The following SLC25A32 variants were observed in gnomAD, a reference collection of about 807,000 sequenced individuals.
SLC25A32 encodes solute carrier family 25 member 32.
A neutral mutation model predicts 39.0 loss-of-function variants in SLC25A32; 32 were observed. That is an observed-to-expected ratio of 0.82 (90% confidence interval 0.62 to 1.10). The LOEUF (loss-of-function observed/expected upper bound fraction) is 1.10. Among genes scored for constraint, SLC25A32 ranks in the 50% least tolerant of loss-of-function variants. SLC25A32 has a pLI of 0.00. For missense variants in SLC25A32, 367 were observed against 395.3 expected, an observed-to-expected ratio of 0.93 and a Z score of 0.61; for synonymous variants, 166 against 152.4, an observed-to-expected ratio of 1.09 and a Z score of -0.66.
chr8:103,406,347 TAC>T (rs1289809952), intron 2 of SLC25A32, among the ~76,000 whole-genome samples: 2 of 152,214 alleles, frequency 1.3e-5, no homozygotes, highest in African/African-American at 2.4e-5. Flanking sequence ...CAAAGGCAAA[TAC>T]ACTAGATACT....
chr8:103,408,525 C>T (rs1816390950), intron 1 of SLC25A32, among the ~76,000 whole-genome samples: 1 of 151,878 alleles, frequency 6.6e-6, no homozygotes. Flanking sequence ...ATATCGAATG[C>T]TATCAAGACT....
At chr8:103,405,653 C>A (rs773849500) in intron 2 of SLC25A32, among the ~76,000 whole-genome samples, 2 of 151,794 alleles carry the variant, frequency 1.3e-5, no homozygotes, top group African/African-American at 4.8e-5. Flanking sequence ...CAAGTGAACA[C>A]ATTCTTTCTT....
At position 103,400,138 on chromosome 8, in the gene SLC25A32, G is replaced by A. The variant is rs116963796; in HGVS notation, c.*273C>T. 5.0e-6 allele frequency: 2 copies of A among 398,496 alleles called. No homozygotes were observed. The highest frequency in any genetic ancestry group is 9.0e-6 in the Non-Finnish European group (2 of 222,236). 24.7% of individuals were successfully genotyped at this position (398,496 alleles called of 1,614,324 possible). ...GCAAATCAGCTTCCACCAATAAAAC[G>A]TAGAAATCTGTGAAACTCTATCCTT... On this transcript the variant is annotated 3_prime_UTR_variant, in exon 7 of 7. Transcript: ENST00000297578.
In SLC25A32 at chr8:103,398,996, T is replaced by C. The variant is rs1816161737; in HGVS notation, c.*1415A>G. The stretch of plus-strand genomic sequence containing the variant: ...AAACAACACTTTTATTTACAACAAA[T>C]AGATGGTAGTGCAACAGCACTCGTG... On this transcript the variant is annotated 3_prime_UTR_variant, in exon 7 of 7. Transcript: ENST00000297578. The C allele has an allele frequency of 6.6e-6, 1 of 152,168 alleles. No homozygotes were observed. Among genetic ancestry groups the C allele is most frequent in the East Asian group, 1.9e-4 (1 of 5,204 alleles). The allele number at this position is 152,168 out of a possible 1,614,324, so 9.4% of individuals were successfully genotyped here.
Position 103,414,902 on chromosome 8 carries a change from C to G in SLC25A32, c.36G>C (p.Ser12=). The G allele has an allele frequency of 6.2e-7, 1 of 1,611,336 alleles. No individual in the cohort carries two copies. Among genetic ancestry groups the G allele is most frequent in the Non-Finnish European group, 8.5e-7 (1 of 1,179,180 alleles). ...TGQGQSASGS[S]AWSTVFRHVR... ...CGTGGCGGAATACCGTGCTCCACGCCGACGACCCGGACGCCGACTGGCCCT... is the reference window on the plus strand; with the variant it reads ...CGTGGCGGAATACCGTGCTCCACGCGGACGACCCGGACGCCGACTGGCCCT... The change falls in exon 1 of 7, where the codon TCG becomes TCC. Residue 12 remains serine, a synonymous_variant. Coordinates refer to ENST00000297578, the MANE Select transcript of SLC25A32 (RefSeq NM_030780.5).
At chr8:103,414,684 C>CA (rs1463600869) in intron 1 of SLC25A32, 100 bp downstream of exon 1, 8 of 1,292,406 alleles carry the variant, frequency 6.2e-6, no homozygotes, top group Non-Finnish European at 8.6e-6. Flanking sequence ...AGCAACGCTC[C>CA]CTTCAACGCT....
chr8:103,414,858 A>G lies in SLC25A32; in HGVS notation c.80T>C (p.Ile27Thr). The change falls in exon 1 of 7, where the codon ATA (isoleucine) becomes ACA (threonine). Residue 27 changes from isoleucine (I) to threonine (T), a missense_variant. By Grantham distance (89) the Ile-to-Thr change is moderately conservative (BLOSUM62 -1). Coordinates refer to ENST00000297578, the MANE Select transcript of SLC25A32 (RefSeq NM_030780.5). ...VFRHVRYENL[I>T]AGVSGGVLSN... ...TAAGACGCCGCCGCTCACGCCCGCT[A>G]TCAGGTTCTCATACCGGACGTGGCG... 6.2e-7 allele frequency: 1 copy of G among 1,613,580 alleles called. No homozygotes were observed. Among genetic ancestry groups the G allele is most frequent in the South Asian group, 1.1e-5 (1 of 91,046 alleles).
Position 103,404,835 on chromosome 8 carries a change from GT to G in SLC25A32, c.331del (p.Thr111GlnfsTer8). 6.2e-7 allele frequency: 1 copy of G among 1,612,556 alleles called. No homozygotes were observed. Among genetic ancestry groups the G allele is most frequent in the Non-Finnish European group, 8.5e-7 (1 of 1,178,798 alleles). ...CTCTAAACGTTCAGCTCTTCCTTCT[GT>G]TTTATATGACTTGATGGCATTGTAA... The part of the protein sequence containing the change: ...FFYNAIKSYK[T>X]EGRAERLEAT... On this transcript the variant is annotated frameshift_variant, in exon 3 of 7. Coordinates refer to ENST00000297578, the MANE Select transcript of SLC25A32 (RefSeq NM_030780.5). LOFTEE classifies it high-confidence loss of function.
At position 103,407,980 on chromosome 8, in the gene SLC25A32, T is replaced by C. The variant is rs958636287; in HGVS notation, c.155-196A>G. Among the ~76,000 whole-genome samples the C allele has an allele frequency of 1.5e-4, 22 of 145,836 alleles. 1 individual carries two copies. Among genetic ancestry groups the C allele is most frequent in the Non-Finnish European group, 1.5e-5 (1 of 66,900 alleles). The stretch of plus-strand genomic sequence containing the variant: ...ATAAATATATATATATATAAATATG[T>C]AAAATATACATTTTTGTGTCAGAGT... On this transcript the variant is annotated intron_variant, in intron 1 of 6. Transcript: ENST00000297578.
At chr8:103,412,790 C>A (rs937818411) in intron 1 of SLC25A32, among the ~76,000 whole-genome samples, 1 of 152,196 alleles carries the variant, frequency 6.6e-6, no homozygotes, top group Non-Finnish European at 1.5e-5. Flanking sequence ...CTTGAACTCA[C>A]AGAAAAATTC....
At chr8:103,401,447 T>C in intron 6 of SLC25A32, 69 bp downstream of exon 6, 1 of 1,432,380 alleles carries the variant, frequency 7.0e-7, no homozygotes, top group Non-Finnish European at 9.4e-7. Context: ...AAAACTAGTA[T>C]CAACAGGATG....
intron 2 of SLC25A32, among the ~76,000 whole-genome samples, chr8:103,407,207 G>C (rs546968293): frequency 6.6e-6 from 1 of 152,276 alleles, no homozygotes; most frequent in African/African-American, 2.4e-5. Context: ...TCTGGAGTTG[G>C]CTGTTTTTCA....
chr8:103,408,257 G>A (rs1816386714), intron 1 of SLC25A32, among the ~76,000 whole-genome samples: 1 of 151,910 alleles, frequency 6.6e-6, no homozygotes, highest in Admixed American at 6.6e-5. Flanking sequence ...AAAGTGCTGG[G>A]ATTACAGGTG....
chr8:103,408,254 T>G (rs1183890388), intron 1 of SLC25A32, among the ~76,000 whole-genome samples: 3 of 152,230 alleles, frequency 2.0e-5, no homozygotes, highest in East Asian at 3.9e-4. Context: ...TCCAAAGTGC[T>G]GGGATTACAG....
chr8:103,409,990 T>C (rs1816425905), intron 1 of SLC25A32, among the ~76,000 whole-genome samples: 1 of 152,188 alleles, frequency 6.6e-6, no homozygotes, highest in South Asian at 2.1e-4. Flanking sequence ...GAGAAAGGTT[T>C]TCCTGCATAG....
chr8:103,405,857 G>A (rs752844083), intron 2 of SLC25A32, among the ~76,000 whole-genome samples: 1 of 151,814 alleles, frequency 6.6e-6, no homozygotes, highest in Non-Finnish European at 1.5e-5. Context: ...TTGAAGAGAT[G>A]GAGGTCTCAC....
intron 4 of SLC25A32, among the ~76,000 whole-genome samples, 199 bp downstream of exon 4, chr8:103,402,965 T>C (rs1000802655): frequency 2.0e-5 from 3 of 152,170 alleles, no homozygotes; most frequent in African/African-American, 7.2e-5. Flanking sequence ...GTCATGATGA[T>C]ACATCCTATG....
At chr8:103,406,098 T>TA in intron 2 of SLC25A32, among the ~76,000 whole-genome samples, 1 of 148,158 alleles carries the variant, frequency 6.7e-6, no homozygotes, top group Non-Finnish European at 1.5e-5. Flanking sequence ...CACATATACA[T>TA]AAACATATCT....
rs577336292 is a variant in SLC25A32, at chr8:103,410,119, C to T, written c.155-2335G>A. On this transcript the variant is annotated intron_variant, in intron 1 of 6. Coordinates refer to ENST00000297578, the MANE Select transcript of SLC25A32 (RefSeq NM_030780.5). The stretch of plus-strand genomic sequence containing the variant: ...AATAAACTCACAATACCATTTCTCT[C>T]TTGAGGTAAAAAGCAAAACCAACCA... Among the ~76,000 whole-genome samples the T allele has an allele frequency of 2.6e-5, 4 of 152,308 alleles. No homozygotes were observed. The East Asian group carries it at 7.7e-4, about 29-fold the overall frequency.
Sources: gnomAD v4.1 joint callset for allele counts (sites outside exome capture counted in the v4.1 genomes callset) on GRCh38, gnomAD v4.1.1 for gene constraint, MANE v1.5 for transcripts, NCBI Gene and HGNC (gene_info 2026-07-23, HGNC 2026-07-21) for gene names.